PTBP2: variants seen among roughly 807,000 people sequenced by gnomAD.
The protein encoded by PTBP2 is polypyrimidine tract binding protein 2.
PTBP2 carries 13 observed loss-of-function variants against 61.4 expected under a neutral mutation model. The observed-to-expected ratio is 0.21, with a 90% CI of 0.14 to 0.34. The LOEUF (loss-of-function observed/expected upper bound fraction) is 0.34, where lower values mean the gene tolerates loss of function less well. Among genes scored for constraint, PTBP2 ranks in the 10% least tolerant of loss-of-function variants. The pLI is 1.00. For synonymous variants in PTBP2, 215 were observed against 218.5 expected (o/e 0.98, Z 0.14); for missense variants, 405 against 642.6 (o/e 0.63, Z 4.00).
In PTBP2 at chr1:96,804,852, T is replaced by TGCAGCA; in HGVS notation, c.959_960insAGCAGC (p.Ala323_Ala324dup). On this transcript the variant is annotated inframe_insertion, in exon 9 of 14. Coordinates refer to ENST00000674951, the MANE Select transcript of PTBP2 (RefSeq NM_021190.4). ...CCATTCCAAATGCTGCTGCAGCAGCTGCTGCAGCTGCTGCTGGCCGAGTGG... is the reference window on the plus strand; with the variant it reads ...CCATTCCAAATGCTGCTGCAGCAGCTGCAGCAGCTGCAGCTGCTGCTGGCCGAGTGG... The TGCAGCA allele has an allele frequency of 6.2e-7, 1 of 1,610,828 alleles. No individual in the cohort carries two copies. Among genetic ancestry groups the TGCAGCA allele is most frequent in the African/African-American group, 1.3e-5 (1 of 74,856 alleles).
downstream of PTBP2, chr1:96,819,479 A>AAC (rs963471986): frequency 6.6e-6 from 1 of 151,940 alleles, no homozygotes; most frequent in Non-Finnish European, 1.5e-5. Flanking sequence ...TCCATCACTT[A>AAC]ACACTGTTTA....
intron 2 of PTBP2, among the ~76,000 whole-genome samples, chr1:96,742,172 A>G (rs192206845): frequency 1.3e-5 from 2 of 152,088 alleles, no homozygotes; most frequent in East Asian, 1.9e-4. Context: ...TAAAATGGCA[A>G]TTTTTTTTGA....
chr1:96,784,990 T>A, intron 7 of PTBP2, 69 bp from the exon 8 acceptor site: 4 of 1,245,334 alleles, frequency 3.2e-6, no homozygotes, highest in Non-Finnish European at 4.4e-6. Context: ...GTTTTATTAC[T>A]AAAATTATAC....
chr1:96,745,223 T>C (rs1186044470), intron 2 of PTBP2, among the ~76,000 whole-genome samples: 4 of 151,752 alleles, frequency 2.6e-5, no homozygotes, highest in African/African-American at 9.7e-5. Flanking sequence ...AGTGCAGTGG[T>C]GTCATCTCGG....
chr1:96,735,296 A>G lies in PTBP2; in HGVS notation c.39+11702A>G, dbSNP rs367732557. Among the ~76,000 whole-genome samples, 43 of 152,322 alleles carry G rather than the reference A, an allele frequency of 2.8e-4. No individual in the cohort carries two copies. The South Asian group carries it at 7.7e-3, about 27-fold the overall frequency. ...TTAAAATTCACATAATAGTAATACT[A>G]TACAGTATTAACATTTAATGTAAGT... On this transcript the variant is annotated intron_variant, in intron 2 of 13. Transcript: ENST00000674951.
intron 2 of PTBP2, among the ~76,000 whole-genome samples, chr1:96,743,412 A>C (rs1653316535): frequency 6.6e-6 from 1 of 152,142 alleles, no homozygotes; most frequent in African/African-American, 2.4e-5. Context: ...TTTTACCAAG[A>C]ATATTTTGCA....
At chr1:96,811,505 C>T (rs1042341085) in intron 11 of PTBP2, among the ~76,000 whole-genome samples, 5 of 152,084 alleles carry the variant, frequency 3.3e-5, no homozygotes, top group African/African-American at 7.2e-5. Context: ...CTGTAACCTC[C>T]GCCTCCTGGG....
chr1:96,771,973 G>A (rs897712495), intron 5 of PTBP2, among the ~76,000 whole-genome samples: 3 of 152,094 alleles, frequency 2.0e-5, no homozygotes, highest in African/African-American at 7.2e-5. Flanking sequence ...GGCTTCTGTG[G>A]CCTCAAATGT....
chr1:96,778,066 G>A (rs1658232018), intron 7 of PTBP2, 120 bp downstream of exon 7: 1 of 408,174 alleles, frequency 2.4e-6, no homozygotes, highest in Non-Finnish European at 4.3e-6. Context: ...GAAATTGATG[G>A]CATTAATATT....
rs1248590779 is a variant in PTBP2 at position 96,813,213 on chromosome 1, A to G, written c.1467-63A>G. On this transcript the variant is annotated intron_variant, in intron 13 of 13. Transcript: ENST00000674951. The stretch of plus-strand genomic sequence containing the variant: ...TTGATTCCGGAATGGCCAAAATTCA[A>G]GTATTTAATAAGCCCTTTCTAATTT... The G allele has an allele frequency of 2.9e-5, 45 of 1,552,510 alleles. No homozygotes were observed. Among genetic ancestry groups the G allele is most frequent in the South Asian group, 9.8e-5 (8 of 81,874 alleles).
Position 96,738,015 on chromosome 1 carries a change from A to G in PTBP2, c.40-13410A>G, listed in dbSNP as rs114989573. 4.1e-3 allele frequency among the ~76,000 whole-genome samples: 631 copies of G among 152,306 alleles called. 9 individuals carry two copies. The highest frequency in any genetic ancestry group is 0.014 in the African/African-American group (584 of 41,576). On this transcript the variant is annotated intron_variant, in intron 2 of 13. Coordinates refer to ENST00000674951, the MANE Select transcript of PTBP2 (RefSeq NM_021190.4). ...TAGGTTTTGTAAGTGTTGAACTCCA[A>G]TAAACACAGTTCCACTTTCCTTAAC... is the stretch of plus-strand genomic sequence containing the variant.
chr1:96,757,116 C>T (rs1426750346), intron 3 of PTBP2, among the ~76,000 whole-genome samples: 1 of 152,184 alleles, frequency 6.6e-6, no homozygotes. Context: ...CATGCGCTTG[C>T]ATTGCATTTC....
rs562664036 is a variant in PTBP2 at position 96,791,006 on chromosome 1, A to G, written c.904+5752A>G. On this transcript the variant is annotated intron_variant, in intron 8 of 13. Coordinates refer to ENST00000674951, the MANE Select transcript of PTBP2 (RefSeq NM_021190.4). ...AGATTATAAATCACTTTTCTCGTAT[A>G]CATAATTGTGAAAAAAAAAAACCAT... Among the ~76,000 whole-genome samples, 58 of 99,666 alleles carry G rather than the reference A, an allele frequency of 5.8e-4. No homozygotes were observed. The Middle Eastern group carries it at 0.014, about 24-fold the overall frequency. 65.4% of individuals were successfully genotyped at this position (99,666 alleles called of 152,430 possible).
At chr1:96,796,116 T>C (rs1378853625) in intron 8 of PTBP2, among the ~76,000 whole-genome samples, 1 of 152,074 alleles carries the variant, frequency 6.6e-6, no homozygotes, top group Non-Finnish European at 1.5e-5. Context: ...TTTAGGACCA[T>C]TGTTAGAACC....
exon 14 of PTBP2, chr1:96,820,360 C>G (rs1662645067): frequency 2.0e-5 from 3 of 151,976 alleles, no homozygotes; most frequent in Non-Finnish European, 1.5e-5. Context: ...ACAGCTGGTT[C>G]TATTAGACAT....
intron 5 of PTBP2, among the ~76,000 whole-genome samples, chr1:96,774,784 C>T (rs1657831815): frequency 6.6e-6 from 1 of 152,206 alleles, no homozygotes; most frequent in South Asian, 2.1e-4. Context: ...AAGTTACTCC[C>T]ATGCAGTAGG....
At chr1:96,808,846 ACT>A (rs1294548638) in intron 11 of PTBP2, among the ~76,000 whole-genome samples, 4 of 151,760 alleles carry the variant, frequency 2.6e-5, no homozygotes, top group Non-Finnish European at 5.9e-5. Flanking sequence ...CCCACACAAA[ACT>A]CTATGGTGTA....
Position 96,813,416 on chromosome 1 carries a change from A to G in PTBP2, c.*11A>G, listed in dbSNP as rs370566172. The G allele has an allele frequency of 5.9e-5, 93 of 1,578,388 alleles. No homozygotes were observed. In the East Asian group the frequency reaches 1.6e-3, roughly 27 times the overall value. On this transcript the variant is annotated 3_prime_UTR_variant, in exon 14 of 14. Transcript: ENST00000674951. Reference sequence around the variant, plus strand: ...AAGTCAACAATTTAAAAATGGGAAGATGAAGATTGGGGGTGAATCACATTG... The same window carrying G: ...AAGTCAACAATTTAAAAATGGGAAGGTGAAGATTGGGGGTGAATCACATTG...
rs532533600 is a variant in PTBP2, at chr1:96,740,100, T to C, written c.40-11325T>C. ...ATCCATTTTGTAGCATGTGACAAGA[T>C]TTCCTCCCTTTTTAAGGCTACATAG... On this transcript the variant is annotated intron_variant, in intron 2 of 13. Transcript: ENST00000674951. Among the ~76,000 whole-genome samples the C allele has an allele frequency of 6.0e-4, 92 of 152,292 alleles. 1 individual carries two copies. Among genetic ancestry groups the C allele is most frequent in the African/African-American group, 2.2e-3 (90 of 41,570 alleles).
Sources: allele counts gnomAD v4.1 joint callset (sites outside exome capture counted in the v4.1 genomes callset), GRCh38; gene constraint gnomAD v4.1.1; transcripts MANE v1.5; gene names NCBI Gene and HGNC (gene_info 2026-07-23, HGNC 2026-07-21).